PDE4A: variants seen among roughly 807,000 people sequenced by gnomAD.
PDE4A encodes the protein phosphodiesterase 4A, also known as 3',5'-cyclic-AMP phosphodiesterase 4A.
In PDE4A, 21 loss-of-function variants were observed where a neutral mutation model predicts 73.9. The observed-to-expected ratio is 0.28, with a 90% CI of 0.20 to 0.41. The LOEUF is 0.41. Among genes scored for constraint, PDE4A ranks in the 10% least tolerant of loss-of-function variants. PDE4A has a pLI of 1.00. For missense variants in PDE4A, 958 were observed against 1,211.4 expected (o/e 0.79, Z 3.10); for synonymous variants, 463 against 505.4 (o/e 0.92, Z 1.13).
intron 2 of PDE4A, among the ~76,000 whole-genome samples, chr19:10,447,793 C>T (rs1289775714): frequency 6.6e-6 from 1 of 152,130 alleles, no homozygotes; most frequent in Non-Finnish European, 1.5e-5. Context: ...AAGCTAACCT[C>T]CCTTATCGTG....
intron 6 of PDE4A, among the ~76,000 whole-genome samples, 172 bp downstream of exon 6, chr19:10,451,113 T>C (rs1239835172): frequency 6.6e-6 from 1 of 151,682 alleles, no homozygotes; most frequent in Non-Finnish European, 1.5e-5. Context: ...GCAGGGCCAA[T>C]CCCTGGGCGG....
chr19:10,463,658 C>A, intron 13 of PDE4A, 135 bp from the exon 14 acceptor site: 1 of 1,474,044 alleles, frequency 6.8e-7, no homozygotes, highest in Non-Finnish European at 9.0e-7. Context: ...GCCTCAGCAT[C>A]CCAAAGTACT....
chr19:10,467,712 C>T lies in PDE4A; in HGVS notation c.*91C>T. The T allele has an allele frequency of 1.1e-6, 1 of 942,652 alleles. No individual in the cohort carries two copies. Among genetic ancestry groups the T allele is most frequent in the South Asian group, 2.0e-5 (1 of 49,724 alleles). 58.4% of individuals were successfully genotyped at this position (942,652 alleles called of 1,614,324 possible). On this transcript the variant is annotated 3_prime_UTR_variant, in exon 15 of 15. Transcript: ENST00000380702. The stretch of plus-strand genomic sequence containing the variant: ...CCTCCTCTGCCTCAAAGACTCTTGT[C>T]CTCTTGTCCCTCCTGAGAAAAAAGA...
At chr19:10,464,242 C>T (rs952882549) in intron 14 of PDE4A, among the ~76,000 whole-genome samples, 4 of 151,938 alleles carry the variant, frequency 2.6e-5, no homozygotes, top group East Asian at 3.9e-4. Flanking sequence ...GGATTACAGG[C>T]GTGCACCACC....
At chr19:10,436,695 A>G (rs2042869371) in intron 1 of PDE4A, among the ~76,000 whole-genome samples, 1 of 152,200 alleles carries the variant, frequency 6.6e-6, no homozygotes. Context: ...TTATTACTGT[A>G]TGCCTGAAAG....
At chr19:10,459,917 G>A (rs2043235353) in intron 10 of PDE4A, among the ~76,000 whole-genome samples, 158 bp downstream of exon 10, 1 of 151,418 alleles carries the variant, frequency 6.6e-6, no homozygotes, top group Admixed American at 6.6e-5. Flanking sequence ...GTCTTGCTCT[G>A]CCACCCAGGC....
chr19:10,441,651 C>T (rs991123317), intron 1 of PDE4A, among the ~76,000 whole-genome samples: 1 of 145,386 alleles, frequency 6.9e-6, no homozygotes, highest in African/African-American at 2.6e-5. Context: ...ATAGTTTTGG[C>T]TCTTATGTTT....
rs1463902129 is a variant in PDE4A at position 10,457,995 on chromosome 19, A to T, written c.994A>T (p.Met332Leu). The T allele has an allele frequency of 6.2e-7, 1 of 1,608,150 alleles. No individual in the cohort carries two copies. Among genetic ancestry groups the T allele is most frequent in the Non-Finnish European group, 8.5e-7 (1 of 1,174,972 alleles). Residue 332 changes from methionine to leucine, a missense_variant, in exon 8 of 15, where the codon ATG becomes TTG. Around this residue, in one of 3 missense-constraint regions of PDE4A, gnomAD observed 570 missense variants for 827.7 expected, o/e 0.69. Transcript: ENST00000380702. ...PPPPVPHLQP[M>L]SQITGLKKLM... ...GCCCCCTGTACCACACTTACAGCCC[A>T]TGTCCCAAATCACAGGGTTGAAAAA...
intron 1 of PDE4A, among the ~76,000 whole-genome samples, chr19:10,425,469 T>A (rs1448353347): frequency 6.6e-6 from 1 of 152,152 alleles, no homozygotes; most frequent in Non-Finnish European, 1.5e-5. Context: ...TCTGAGAAAG[T>A]ACTTCCTCAA....
chr19:10,450,759 G>C (rs1487796693), intron 5 of PDE4A, 70 bp from the exon 6 acceptor site: 1 of 1,577,968 alleles, frequency 6.3e-7, no homozygotes, highest in African/African-American at 1.3e-5. Context: ...ACCCCGTCAC[G>C]GCGGTCTGGA....
upstream of PDE4A, chr19:10,417,218 G>C (rs1195287640): frequency 1.0e-5 from 10 of 983,184 alleles, no homozygotes; most frequent in Non-Finnish European, 1.2e-5. Flanking sequence ...CTCAAATGAG[G>C]AGAGGATTTT....
At position 10,466,927 on chromosome 19, in the gene PDE4A, C is replaced by T; in HGVS notation, c.1967C>T (p.Thr656Ile). Residue 656 changes from threonine (T) to isoleucine (I), a missense_variant, in exon 15 of 15, where the codon ACC becomes ATC. This residue lies in a region of PDE4A where 570 missense variants were observed against 827.7 expected (regional missense o/e 0.69). Coordinates refer to ENST00000380702, the MANE Select transcript of PDE4A (RefSeq NM_001111307.2). ...IDYIVHPLWETWADLVHPDAQ... is the reference protein window; with the variant it reads ...IDYIVHPLWEIWADLVHPDAQ... ...TACATTGTGCACCCATTGTGGGAGACCTGGGCGGACCTTGTCCACCCAGAT... is the reference window on the plus strand; with the variant it reads ...TACATTGTGCACCCATTGTGGGAGATCTGGGCGGACCTTGTCCACCCAGAT... 1.2e-6 allele frequency: 2 copies of T among 1,614,100 alleles called. No individual in the cohort carries two copies. The highest frequency in any genetic ancestry group is 1.7e-6 in the Non-Finnish European group (2 of 1,180,002).
chr19:10,450,456 G>A, intron 4 of PDE4A, 147 bp from the exon 5 acceptor site: 1 of 1,422,350 alleles, frequency 7.0e-7, no homozygotes, highest in South Asian at 1.5e-5. Flanking sequence ...GACTCATTGA[G>A]GCTGCAGGCA....
At chr19:10,419,033 T>TGTG (rs1243653808), upstream of PDE4A, 76 of 954,218 alleles carry the variant, frequency 8.0e-5, no homozygotes, top group Non-Finnish European at 8.9e-5. Context: ...GAAAAGTGGC[T>TGTG]GTGGGGGTTG....
At position 10,461,539 on chromosome 19, in the gene PDE4A, G is replaced by T; in HGVS notation, c.1479G>T (p.Ala493=). The part of the protein sequence containing the change: ...QFLINTNSEL[A]LMYNDESVLE... ...GCTGGGCTGCAGATTCGGAGCTGGC[G>T]CTCATGTACAACGATGAGTCGGTGC... is the stretch of plus-strand genomic sequence containing the variant. Residue 493 remains alanine, a synonymous_variant, in exon 12 of 15, where the codon GCG becomes GCT. Transcript: ENST00000380702. 6.2e-7 allele frequency: 1 copy of T among 1,614,072 alleles called. No homozygotes were observed. Among genetic ancestry groups the T allele is most frequent in the Non-Finnish European group, 8.5e-7 (1 of 1,180,024 alleles).
intron 13 of PDE4A, among the ~76,000 whole-genome samples, chr19:10,463,056 G>GTCCTT (rs1353072429): frequency 4.7e-4 from 71 of 150,922 alleles, no homozygotes; most frequent in Non-Finnish European, 9.0e-4. Context: ...GTCCTGTCCT[G>GTCCTT]TCCTTTCCTT....
At position 10,455,058 on chromosome 19, in the gene PDE4A, T is replaced by C. The variant is rs942860655; in HGVS notation, c.877+136T>C. The C allele has an allele frequency of 3.8e-6, 3 of 798,110 alleles. No individual in the cohort carries two copies. The Admixed American group carries it at 6.6e-5, about 18-fold the overall frequency. 49.4% of individuals were successfully genotyped at this position (798,110 alleles called of 1,614,324 possible). A position where few individuals can be genotyped will look rare whatever the true frequency, so the allele number is the denominator to read the frequency against. On this transcript the variant is annotated intron_variant, in intron 7 of 14. Coordinates refer to ENST00000380702, the MANE Select transcript of PDE4A (RefSeq NM_001111307.2). ...AACTCCCCAAAGGTCACAGTCACCCTATCCAGGAACCCTCATGTTCCTGAT... is the reference window on the plus strand; with the variant it reads ...AACTCCCCAAAGGTCACAGTCACCCCATCCAGGAACCCTCATGTTCCTGAT...
chr19:10,431,173 C>T (rs955331395), intron 1 of PDE4A: 6 of 904,340 alleles, frequency 6.6e-6, no homozygotes, highest in Non-Finnish European at 9.3e-6. Context: ...CTCACTCTCT[C>T]CAGCCTCACT....
In PDE4A at chr19:10,467,613, C is replaced by T; in HGVS notation, c.2653C>T (p.Pro885Ser). 2 of 1,557,592 alleles carry T rather than the reference C, an allele frequency of 1.3e-6. No individual in the cohort carries two copies. The highest frequency in any genetic ancestry group is 1.7e-6 in the Non-Finnish European group (2 of 1,149,660). The change falls in exon 15 of 15, where the codon CCT (proline) becomes TCT (serine). Residue 885 changes from proline (P) to serine (S), a missense_variant. Physicochemically the swap from Pro to Ser is moderately conservative, Grantham distance 74 (BLOSUM62 -1). Transcript: ENST00000380702. ...TGGTGGCGGGGGGTCAGGTGGAGAC[C>T]CTACCTGATCCCCAGACCTCTGTCC... Reference protein sequence around the residue: ...APGGGGSGGDPT With the variant: ...APGGGGSGGDST
Sources: gnomAD v4.1 joint callset for allele counts (sites outside exome capture counted in the v4.1 genomes callset) on GRCh38, gnomAD v4.1.1 for gene constraint, gnomAD v4.1.1 regional missense constraint, MANE v1.5 for transcripts, NCBI Gene and HGNC (gene_info 2026-07-23, HGNC 2026-07-21) for gene names.